Variants in CNTN4 observed in about 807,000 individuals in gnomAD.
CNTN4 encodes the protein contactin-4.
A neutral mutation model predicts 122.5 loss-of-function variants in CNTN4; 77 were observed. That is an observed-to-expected ratio of 0.63 (90% confidence interval 0.52 to 0.76). The LOEUF (loss-of-function observed/expected upper bound fraction) is 0.76, where lower values mean the gene tolerates loss of function less well. Among genes scored for constraint, CNTN4 ranks in the 30% least tolerant of loss-of-function variants. CNTN4 has a pLI of 0.00. For synonymous variants in CNTN4, 512 were observed against 447.0 expected, an observed-to-expected ratio of 1.15 and a Z score of -1.83; for missense variants, 1,256 against 1,259.1, an observed-to-expected ratio of 1.00 and a Z score of 0.04.
chr3:2,966,083 C>A (rs933934513), intron 13 of CNTN4, among the ~76,000 whole-genome samples: 3 of 151,924 alleles, frequency 2.0e-5, no homozygotes, highest in African/African-American at 7.3e-5. Flanking sequence ...TGAGACACTA[C>A]CATAGGTAGT....
At chr3:2,722,555 A>C (rs1038101550) in intron 4 of CNTN4, among the ~76,000 whole-genome samples, 2 of 152,192 alleles carry the variant, frequency 1.3e-5, no homozygotes, top group Admixed American at 1.3e-4. Context: ...GACTTATTCA[A>C]AAGACCCAAC....
At chr3:2,678,649 T>C (rs1576434487) in intron 4 of CNTN4, among the ~76,000 whole-genome samples, 1 of 152,212 alleles carries the variant, frequency 6.6e-6, no homozygotes, top group South Asian at 2.1e-4. Flanking sequence ...TTCCATTTTC[T>C]AGGATTCCTC....
In CNTN4 at chr3:2,744,058, G is replaced by C. The variant is rs147376102; in HGVS notation, c.183-1464G>C. 6.2e-3 allele frequency among the ~76,000 whole-genome samples: 939 copies of C among 152,282 alleles called. 6 individuals are homozygous for C. The highest frequency in any genetic ancestry group is 0.01 in the Middle Eastern group (3 of 294). On this transcript the variant is annotated intron_variant, in intron 5 of 24. Coordinates refer to ENST00000418658, the MANE Select transcript of CNTN4 (RefSeq NM_175607.3). ...TCAAATTCCTGGGCTCAAGAGACCTGCCTGCTTCAGCCTCCCGAAGTGCCG... is the reference window on the plus strand; with the variant it reads ...TCAAATTCCTGGGCTCAAGAGACCTCCCTGCTTCAGCCTCCCGAAGTGCCG...
chr3:2,643,337 C>A (rs1209182324), intron 4 of CNTN4, among the ~76,000 whole-genome samples: 1 of 152,070 alleles, frequency 6.6e-6, no homozygotes, highest in Non-Finnish European at 1.5e-5. Context: ...CCACACCTGG[C>A]TAATTTTTGT....
In CNTN4 at chr3:2,586,378, T is replaced by C. The variant is rs562461890; in HGVS notation, c.55+14820T>C. Reference sequence around the variant, plus strand: ...CACAATATCGGCTCACTGCAACTTCTGCCTCCCACGTTCAAGCGATTCTCC... The same window carrying C: ...CACAATATCGGCTCACTGCAACTTCCGCCTCCCACGTTCAAGCGATTCTCC... On this transcript the variant is annotated intron_variant, in intron 4 of 24. Transcript: ENST00000418658. 1.7e-4 allele frequency among the ~76,000 whole-genome samples: 26 copies of C among 152,316 alleles called. 1 individual carries two copies. The highest frequency in any genetic ancestry group is 3.1e-4 in the Non-Finnish European group (21 of 68,034).
chr3:2,487,067 T>G (rs533613079), intron 3 of CNTN4, among the ~76,000 whole-genome samples: 12 of 152,188 alleles, frequency 7.9e-5, no homozygotes, highest in Non-Finnish European at 1.5e-4. Flanking sequence ...TTTTCTCATC[T>G]AGCAGCTTTT....
chr3:2,325,818 G>A (rs1410018349), intron 2 of CNTN4, among the ~76,000 whole-genome samples: 3 of 152,130 alleles, frequency 2.0e-5, no homozygotes, highest in Admixed American at 1.3e-4. Flanking sequence ...CAGTAATAGA[G>A]TACATATGTG....
intron 2 of CNTN4, among the ~76,000 whole-genome samples, chr3:2,326,504 A>C (rs959369041): frequency 9.2e-5 from 12 of 130,292 alleles, no homozygotes; most frequent in Admixed American, 7.1e-4. Context: ...ACACACACAC[A>C]CACACACACA....
At chr3:2,619,374 A>G (rs2081907772) in intron 4 of CNTN4, among the ~76,000 whole-genome samples, 1 of 152,236 alleles carries the variant, frequency 6.6e-6, no homozygotes, top group African/African-American at 2.4e-5. Context: ...AAGGCATGGA[A>G]GCAACCTAGA....
chr3:3,030,709 A>C (rs1699090877), intron 15 of CNTN4, 146 bp from the exon 16 acceptor site: 4 of 968,032 alleles, frequency 4.1e-6, no homozygotes, highest in Non-Finnish European at 6.5e-6. Context: ...GCAGGCTCAC[A>C]TATTTTTAAC....
intron 3 of CNTN4, among the ~76,000 whole-genome samples, chr3:2,540,089 G>GTT (rs2077973728): frequency 6.6e-6 from 1 of 151,958 alleles, no homozygotes; most frequent in African/African-American, 2.4e-5. Flanking sequence ...GTGTGTGTGT[G>GTT]TGTGTGTATC....
intron 4 of CNTN4, among the ~76,000 whole-genome samples, chr3:2,642,319 C>G (rs1467031872): frequency 3.9e-5 from 6 of 152,286 alleles, no homozygotes. Flanking sequence ...GCACTGGCAG[C>G]TGATTAGATG....
intron 5 of CNTN4, among the ~76,000 whole-genome samples, chr3:2,739,867 T>C (rs2089356472): frequency 6.6e-6 from 1 of 152,210 alleles, no homozygotes; most frequent in African/African-American, 2.4e-5. Flanking sequence ...TAACAAGGTC[T>C]GGACAGAGTT....
At chr3:2,124,089 GA>G (rs532962824) in intron 2 of CNTN4, among the ~76,000 whole-genome samples, 4 of 152,090 alleles carry the variant, frequency 2.6e-5, no homozygotes, top group African/African-American at 9.6e-5. Flanking sequence ...AAAATAAGGG[GA>G]AAAAAATCAC....
intron 4 of CNTN4, among the ~76,000 whole-genome samples, chr3:2,667,111 TG>T (rs2084214915): frequency 6.6e-6 from 1 of 152,142 alleles, no homozygotes; most frequent in South Asian, 2.1e-4. Context: ...TACCTAGTAA[TG>T]GGATGGCTGG....
At chr3:2,484,572 C>T (rs1194531642) in intron 3 of CNTN4, among the ~76,000 whole-genome samples, 5 of 152,218 alleles carry the variant, frequency 3.3e-5, no homozygotes, top group Non-Finnish European at 7.3e-5. Context: ...ACCAGGGTGA[C>T]TTCAGCACAG....
At chr3:2,943,630 A>ATATATATTT (rs1553702084) in intron 13 of CNTN4, among the ~76,000 whole-genome samples, 2 of 128,264 alleles carry the variant, frequency 1.6e-5, no homozygotes, top group South Asian at 2.5e-4. Flanking sequence ...ATATATATAT[A>ATATATATTT]TTTTTTTTTT....
At chr3:2,122,169 A>G (rs986310575) in intron 2 of CNTN4, among the ~76,000 whole-genome samples, 12 of 150,856 alleles carry the variant, frequency 8.0e-5, no homozygotes, top group Non-Finnish European at 1.5e-4. Context: ...AAAAAAAAAA[A>G]TTATTTTTCT....
At chr3:2,892,974 C>T (rs572630305) in intron 10 of CNTN4, among the ~76,000 whole-genome samples, 22 of 152,246 alleles carry the variant, frequency 1.4e-4, no homozygotes, top group African/African-American at 5.3e-4. Flanking sequence ...CCTGCCAATA[C>T]AACATTTTAA....
Sources: allele counts gnomAD v4.1 joint callset (sites outside exome capture counted in the v4.1 genomes callset), GRCh38; gene constraint gnomAD v4.1.1; transcripts MANE v1.5; gene names NCBI Gene and HGNC (gene_info 2026-07-23, HGNC 2026-07-21).